ADAMTS6: variants seen among roughly 807,000 people sequenced by gnomAD.
ADAMTS6 encodes the protein ADAM metallopeptidase with thrombospondin type 1 motif 6.
In ADAMTS6, 23 loss-of-function variants were observed where a neutral mutation model predicts 144.3. The observed-to-expected ratio is 0.16, with a 90% CI of 0.11 to 0.23. ADAMTS6 has a LOEUF of 0.23. ADAMTS6 is among the 10% of genes least tolerant of loss of function. The pLI is 1.00. For missense variants in ADAMTS6, 999 were observed against 1,379.6 expected (o/e 0.72, Z 4.37); for synonymous variants, 444 against 457.5 (o/e 0.97, Z 0.38).
chr5:65,253,373 C>A (rs115532410), intron 14 of ADAMTS6, among the ~76,000 whole-genome samples: 2 of 152,124 alleles, frequency 1.3e-5, no homozygotes, highest in African/African-American at 2.4e-5. Flanking sequence ...TGAACTTATT[C>A]ACTGTATTAC....
At chr5:65,288,985 G>A (rs1742022760) in intron 11 of ADAMTS6, among the ~76,000 whole-genome samples, 1 of 152,150 alleles carries the variant, frequency 6.6e-6, no homozygotes, top group Admixed American at 6.6e-5. Flanking sequence ...TTCAGAGGTG[G>A]GAGTGATTGT....
intron 14 of ADAMTS6, among the ~76,000 whole-genome samples, chr5:65,249,839 AC>A: frequency 6.6e-6 from 1 of 152,322 alleles, no homozygotes; most frequent in Middle Eastern, 3.4e-3. Context: ...GTCTTCACTT[AC>A]CCTGCAACTC....
intron 7 of ADAMTS6, among the ~76,000 whole-genome samples, chr5:65,363,398 T>A (rs4700675): frequency 0.049 from 7,432 of 152,204 alleles, 235 homozygotes; most frequent in East Asian, 0.11. Context: ...AAATTACACA[T>A]CCCTTATGCA....
At chr5:65,183,667 A>AAAAT (rs1277509514) in intron 22 of ADAMTS6, among the ~76,000 whole-genome samples, 1 of 151,994 alleles carries the variant, frequency 6.6e-6, no homozygotes, top group African/African-American at 2.4e-5. Flanking sequence ...AAAAAAATAA[A>AAAAT]AATTTCTAGA....
At chr5:65,399,596 A>G (rs1753746415) in intron 7 of ADAMTS6, among the ~76,000 whole-genome samples, 1 of 152,094 alleles carries the variant, frequency 6.6e-6, no homozygotes, top group Non-Finnish European at 1.5e-5. Flanking sequence ...GTTCATTTTC[A>G]AATAAAACTA....
intron 7 of ADAMTS6, among the ~76,000 whole-genome samples, chr5:65,398,424 A>G (rs1753535715): frequency 6.6e-6 from 1 of 152,122 alleles, no homozygotes; most frequent in Non-Finnish European, 1.5e-5. Flanking sequence ...ATTCTGCTCT[A>G]TCAGAAATTA....
At chr5:65,458,147 CTTTTG>C (rs1046558442) in intron 4 of ADAMTS6, among the ~76,000 whole-genome samples, 3 of 151,978 alleles carry the variant, frequency 2.0e-5, no homozygotes, top group African/African-American at 7.2e-5. Context: ...CCCAACAAAC[CTTTTG>C]TTTTAATTAT....
At chr5:65,422,951 TAC>T (rs146500695) in intron 7 of ADAMTS6, among the ~76,000 whole-genome samples, 15 of 150,298 alleles carry the variant, frequency 1.0e-4, no homozygotes, top group South Asian at 4.2e-4. Context: ...TATATACACA[TAC>T]ACACACACAC....
At chr5:65,334,356 C>T (rs1367026871) in intron 7 of ADAMTS6, among the ~76,000 whole-genome samples, 2 of 152,182 alleles carry the variant, frequency 1.3e-5, no homozygotes, top group Admixed American at 6.5e-5. Context: ...TTCCATAAAA[C>T]GATCTGCCAT....
chr5:65,231,408 A>T (rs1392941350), intron 15 of ADAMTS6, among the ~76,000 whole-genome samples: 2 of 152,168 alleles, frequency 1.3e-5, no homozygotes, highest in African/African-American at 4.8e-5. Flanking sequence ...ATACAATGAG[A>T]GAAATAGAAA....
At chr5:65,363,988 A>C (rs983895411) in intron 7 of ADAMTS6, among the ~76,000 whole-genome samples, 1 of 152,218 alleles carries the variant, frequency 6.6e-6, no homozygotes, top group Non-Finnish European at 1.5e-5. Context: ...TCTCAGAGCC[A>C]ACTGAGAACT....
chr5:65,234,982 A>T (rs1561310774), intron 15 of ADAMTS6, among the ~76,000 whole-genome samples: 1 of 152,224 alleles, frequency 6.6e-6, no homozygotes, highest in African/African-American at 2.4e-5. Context: ...TAAGTGAAAT[A>T]AGCCAGATAC....
At chr5:65,237,846 G>A (rs1339474617) in intron 15 of ADAMTS6, among the ~76,000 whole-genome samples, 1 of 152,162 alleles carries the variant, frequency 6.6e-6, no homozygotes, top group African/African-American at 2.4e-5. Flanking sequence ...CAGCACTTTG[G>A]GAGGCTGAGA....
At chr5:65,451,873 C>G (rs1464788598) in intron 6 of ADAMTS6, among the ~76,000 whole-genome samples, 1 of 152,014 alleles carries the variant, frequency 6.6e-6, no homozygotes, top group Admixed American at 6.6e-5. Context: ...TAATGAAAAT[C>G]ATTATTATAA....
chr5:65,425,448 A>T (rs921485189), intron 7 of ADAMTS6, among the ~76,000 whole-genome samples: 1 of 152,192 alleles, frequency 6.6e-6, no homozygotes, highest in Non-Finnish European at 1.5e-5. Flanking sequence ...CATCTTTTCC[A>T]TACCTGTAAA....
chr5:65,206,799 A>T (rs1369902155), intron 20 of ADAMTS6, among the ~76,000 whole-genome samples: 2 of 150,664 alleles, frequency 1.3e-5, no homozygotes, highest in African/African-American at 4.9e-5. Context: ...AATATCTTCT[A>T]TGTTTATATG....
At chr5:65,355,740 C>T (rs1749259337) in intron 7 of ADAMTS6, among the ~76,000 whole-genome samples, 1 of 151,720 alleles carries the variant, frequency 6.6e-6, no homozygotes, top group South Asian at 2.1e-4. Flanking sequence ...AGAGCTAAAG[C>T]TATTTTAATT....
intron 14 of ADAMTS6, among the ~76,000 whole-genome samples, chr5:65,244,105 G>C (rs1180529102): frequency 6.6e-6 from 1 of 152,056 alleles, no homozygotes; most frequent in Non-Finnish European, 1.5e-5. Context: ...AACATCTTCA[G>C]CAGGTACCAA....
chr5:65,451,666 A>C, intron 6 of ADAMTS6, 46 bp from the exon 7 acceptor site: 1 of 1,599,328 alleles, frequency 6.3e-7, no homozygotes, highest in Non-Finnish European at 8.5e-7. Context: ...CAAATTACTA[A>C]GGTCAGTTGT....
Sources: allele counts gnomAD v4.1 joint callset (sites outside exome capture counted in the v4.1 genomes callset), GRCh38; gene constraint gnomAD v4.1.1; transcripts MANE v1.5; gene names NCBI Gene and HGNC (gene_info 2026-07-23, HGNC 2026-07-21).